The following PTK2 variants were observed in gnomAD, a reference collection of about 807,000 sequenced individuals.
The protein encoded by PTK2 is focal adhesion kinase 1.
In PTK2, 45 loss-of-function variants were observed where a neutral mutation model predicts 150.1. The observed-to-expected ratio is 0.30, with a 90% CI of 0.24 to 0.38. The LOEUF (loss-of-function observed/expected upper bound fraction) is 0.38. Among genes scored for constraint, PTK2 ranks in the 10% least tolerant of loss-of-function variants. The pLI is 1.00. For synonymous variants in PTK2, 432 were observed against 449.2 expected, an observed-to-expected ratio of 0.96 and a Z score of 0.48; for missense variants, 919 against 1,307.3, an observed-to-expected ratio of 0.70 and a Z score of 4.58.
In PTK2 at chr8:140,987,870, T is replaced by C. The variant is rs142823727; in HGVS notation, c.-122+13255A>G. On this transcript the variant is annotated intron_variant, in intron 1 of 31. Coordinates refer to ENST00000522684, the Ensembl canonical transcript of PTK2. ...CCAGCCTGCGAAACATGACTAGACC[T>C]CGTCTCTACAAAAATGTTTTTTTAA... 1.3e-3 allele frequency among the ~76,000 whole-genome samples: 198 copies of C among 152,140 alleles called. 1 individual carries two copies. Among genetic ancestry groups the C allele is most frequent in the African/African-American group, 4.6e-3 (192 of 41,510 alleles).
Position 140,717,495 on chromosome 8 carries a change from T to A in PTK2, c.2142+103A>T, listed in dbSNP as rs1268781628. The A allele has an allele frequency of 3.9e-5, 34 of 867,580 alleles. No homozygotes were observed. In the South Asian group the frequency reaches 4.6e-4, roughly 12 times the overall value. 53.7% of individuals were successfully genotyped at this position (867,580 alleles called of 1,614,324 possible). A position where few individuals can be genotyped will look rare whatever the true frequency, so the allele number is the denominator to read the frequency against. Reference sequence around the variant, plus strand: ...GGTGTTATAACTATTACTCTTAGAATAACCTGATATTTGACTTTCTCCTCA... The same window carrying A: ...GGTGTTATAACTATTACTCTTAGAAAAACCTGATATTTGACTTTCTCCTCA... On this transcript the variant is annotated intron_variant, in intron 23 of 31. Transcript: ENST00000522684.
At chr8:140,839,359 T>TTGC (rs1260543285) in intron 7 of PTK2, among the ~76,000 whole-genome samples, 1 of 152,118 alleles carries the variant, frequency 6.6e-6, no homozygotes, top group East Asian at 1.9e-4. Flanking sequence ...GCCACCAGCC[T>TTGC]CTAATCCAAG....
intron 24 of PTK2, among the ~76,000 whole-genome samples, chr8:140,702,918 C>G (rs752361932): frequency 1.3e-5 from 2 of 152,124 alleles, no homozygotes; most frequent in Non-Finnish European, 2.9e-5. Context: ...AGTCAAGGAC[C>G]TTGGGATGGG....
chr8:140,912,688 C>A (rs1271768966), intron 2 of PTK2, among the ~76,000 whole-genome samples: 1 of 152,084 alleles, frequency 6.6e-6, no homozygotes, highest in African/African-American at 2.4e-5. Context: ...CAGCTGGGCA[C>A]AGTGGCTCAT....
At chr8:140,674,596 G>A (rs1009279533) in intron 28 of PTK2, among the ~76,000 whole-genome samples, 192 bp from the exon 32 acceptor site, 1 of 151,812 alleles carries the variant, frequency 6.6e-6, no homozygotes, top group Non-Finnish European at 1.5e-5. Flanking sequence ...AAAATTAGCC[G>A]GGTGTGGTGG....
chr8:140,992,195 G>A (rs751179642), intron 1 of PTK2, among the ~76,000 whole-genome samples: 1 of 151,706 alleles, frequency 6.6e-6, no homozygotes, highest in African/African-American at 2.4e-5. Context: ...AAGAGGCTGA[G>A]GCAGGAGAAT....
intron 27 of PTK2, among the ~76,000 whole-genome samples, chr8:140,681,301 C>T (rs994687455): frequency 2.0e-5 from 3 of 150,718 alleles, no homozygotes; most frequent in African/African-American, 7.4e-5. Flanking sequence ...TGCAGTGAGC[C>T]GAGATCCTGC....
intron 8 of PTK2, among the ~76,000 whole-genome samples, chr8:140,826,883 A>C (rs1349384033): frequency 6.6e-6 from 1 of 152,016 alleles, no homozygotes; most frequent in African/African-American, 2.4e-5. Context: ...GCGCCAATGC[A>C]CTCCAGCCTG....
intron 1 of PTK2, among the ~76,000 whole-genome samples, chr8:140,973,395 T>C (rs1462041676): frequency 1.3e-5 from 2 of 152,148 alleles, no homozygotes; most frequent in Non-Finnish European, 2.9e-5. Flanking sequence ...GGTTATTTAC[T>C]TACTCATCTC....
intron 1 of PTK2, among the ~76,000 whole-genome samples, chr8:140,944,297 G>A (rs182066820): frequency 2.0e-5 from 3 of 152,278 alleles, no homozygotes; most frequent in Non-Finnish European, 2.9e-5. Context: ...ATTTTAACAC[G>A]ACTGATACAT....
At chr8:140,899,231 G>T (rs2100157501) in intron 2 of PTK2, among the ~76,000 whole-genome samples, 1 of 151,966 alleles carries the variant, frequency 6.6e-6, no homozygotes, top group Non-Finnish European at 1.5e-5. Flanking sequence ...TTCTGACTCT[G>T]GCTAAGGGAC....
chr8:140,927,975 A>ATATATATATATAT (rs1367767247), intron 1 of PTK2, among the ~76,000 whole-genome samples: 111 of 48,160 alleles, frequency 2.3e-3, no homozygotes, highest in African/African-American at 4.9e-3. Flanking sequence ...AAAAAAAAAA[A>ATATATATATATAT]ATATATATAT....
chr8:140,760,207 C>T (rs2100068602), intron 16 of PTK2, among the ~76,000 whole-genome samples: 1 of 152,012 alleles, frequency 6.6e-6, no homozygotes, highest in African/African-American at 2.4e-5. Flanking sequence ...GGCGACAGAG[C>T]AAGACTCCGT....
At chr8:140,680,508 G>T (rs188515467) in intron 27 of PTK2, among the ~76,000 whole-genome samples, 141 of 152,280 alleles carry the variant, frequency 9.3e-4, no homozygotes, top group African/African-American at 2.9e-3. Flanking sequence ...TAATAAAGCA[G>T]TTCTGCATAA....
At chr8:140,688,816 T>C (rs2100021452) in intron 26 of PTK2, among the ~76,000 whole-genome samples, 1 of 152,222 alleles carries the variant, frequency 6.6e-6, no homozygotes, top group Admixed American at 6.5e-5. Context: ...TGTTTATATG[T>C]ACTATAATAT....
At chr8:140,879,071 A>G (rs1373004297) in intron 4 of PTK2, 1 of 153,486 alleles carries the variant, frequency 6.5e-6, no homozygotes, top group Non-Finnish European at 1.4e-5. Flanking sequence ...TAGCCCATTA[A>G]TAAGGTATTT....
intron 14 of PTK2, among the ~76,000 whole-genome samples, chr8:140,774,619 A>T (rs1449346676): frequency 6.6e-6 from 1 of 152,196 alleles, no homozygotes; most frequent in African/African-American, 2.4e-5. Context: ...CGTTCCCAAG[A>T]GGTCAGGAAT....
chr8:140,874,129 C>T (rs980174591), intron 4 of PTK2, among the ~76,000 whole-genome samples: 1 of 152,138 alleles, frequency 6.6e-6, no homozygotes, highest in Non-Finnish European at 1.5e-5. Flanking sequence ...ATTTATCAAT[C>T]CAGCTCTTCC....
chr8:140,692,302 C>A (rs1444469881), intron 26 of PTK2, among the ~76,000 whole-genome samples: 1 of 152,088 alleles, frequency 6.6e-6, no homozygotes, highest in Non-Finnish European at 1.5e-5. Context: ...AGCAATACAG[C>A]CAAAGACAGC....
Sources: gnomAD v4.1 joint callset for allele counts (sites outside exome capture counted in the v4.1 genomes callset) on GRCh38, gnomAD v4.1.1 for gene constraint, MANE v1.5 for transcripts, NCBI Gene and HGNC (gene_info 2026-07-23, HGNC 2026-07-21) for gene names.